TRDN: variants seen among roughly 807,000 people sequenced by gnomAD.
The protein encoded by TRDN is triadin in skeletal muscle.
In TRDN, 161 loss-of-function variants were observed where a neutral mutation model predicts 149.7. The observed-to-expected ratio is 1.08, with a 90% confidence interval of 0.95 to 1.23. The LOEUF is 1.23. Among genes scored for constraint, TRDN ranks in the 50% most tolerant of loss-of-function variants. TRDN has a pLI of 0.00. For synonymous variants in TRDN, 294 were observed against 250.5 expected (o/e 1.17, Z -1.64); for missense variants, 896 against 823.5 (o/e 1.09, Z -1.08).
intron 10 of TRDN, among the ~76,000 whole-genome samples, chr6:123,451,672 A>G (rs560303593): frequency 6.6e-6 from 1 of 152,250 alleles, no homozygotes; most frequent in East Asian, 1.9e-4. Context: ...AGACATTCCA[A>G]GAAGAATTGG....
intron 39 of TRDN, among the ~76,000 whole-genome samples, chr6:123,223,311 A>G (rs1342322667): frequency 6.6e-6 from 1 of 151,776 alleles, no homozygotes; most frequent in East Asian, 1.9e-4. Context: ...AAGGAGAAAG[A>G]GGATCAGAAA....
At chr6:123,558,960 G>T (rs890655003) in intron 2 of TRDN, among the ~76,000 whole-genome samples, 1 of 152,200 alleles carries the variant, frequency 6.6e-6, no homozygotes, top group African/African-American at 2.4e-5. Flanking sequence ...CCATAGCCCA[G>T]GATTCCTCCT....
intron 20 of TRDN, among the ~76,000 whole-genome samples, chr6:123,363,222 G>A (rs1385403824): frequency 2.0e-5 from 3 of 152,144 alleles, no homozygotes; most frequent in Non-Finnish European, 4.4e-5. Flanking sequence ...CTACTCACAT[G>A]TGAAAGGCTA....
In TRDN at chr6:123,412,746, G is replaced by A. The variant is rs924770209; in HGVS notation, c.1052-19069C>T. Among the ~76,000 whole-genome samples the A allele has an allele frequency of 4.0e-5, 6 of 150,934 alleles. No individual in the cohort carries two copies. In the East Asian group the frequency reaches 1.2e-3, roughly 29 times the overall value. On this transcript the variant is annotated intron_variant, in intron 12 of 40. Transcript: ENST00000334268. Reference sequence around the variant, plus strand: ...TAACTTCTATGAATAAATATTTTGTGGTAAAAAGTTTAAAAATTAACTAAA... The same window carrying A: ...TAACTTCTATGAATAAATATTTTGTAGTAAAAAGTTTAAAAATTAACTAAA...
intron 2 of TRDN, among the ~76,000 whole-genome samples, chr6:123,549,018 A>C (rs9482405): frequency 2.0e-5 from 3 of 151,752 alleles, no homozygotes; most frequent in Non-Finnish European, 2.9e-5. Context: ...CAGACAAATA[A>C]CAAGTTCTGC....
chr6:123,245,738 G>A (rs777479557), intron 38 of TRDN, among the ~76,000 whole-genome samples: 13 of 152,016 alleles, frequency 8.6e-5, no homozygotes, highest in East Asian at 3.9e-4. Flanking sequence ...TGACCCAAGC[G>A]GACCTAACAG....
rs576930849 is a variant in TRDN at position 123,489,820 on chromosome 6, T to C, written c.853+7373A>G. On this transcript the variant is annotated intron_variant, in intron 9 of 40. Transcript: ENST00000334268. ...GCCCCATCATCACTATGATTGTTTA[T>C]AGTGTTGACTGAAGTATTACATCAT... Among the ~76,000 whole-genome samples, 9 of 152,222 alleles carry C rather than the reference T, an allele frequency of 5.9e-5. No homozygotes were observed. In the East Asian group the frequency reaches 1.7e-3, roughly 29 times the overall value.
At chr6:123,552,677 T>C (rs1307110530) in intron 2 of TRDN, among the ~76,000 whole-genome samples, 2 of 152,154 alleles carry the variant, frequency 1.3e-5, no homozygotes, top group African/African-American at 2.4e-5. Flanking sequence ...ATTTTGAAAA[T>C]TTAAACTCTG....
At chr6:123,615,533 T>A (rs1223630369) in intron 1 of TRDN, among the ~76,000 whole-genome samples, 1 of 143,762 alleles carries the variant, frequency 7.0e-6, no homozygotes, top group East Asian at 2.0e-4. Context: ...GAAAAACATG[T>A]ATATACACAC....
chr6:123,578,832 T>C (rs1782983048), intron 1 of TRDN, among the ~76,000 whole-genome samples: 2 of 152,158 alleles, frequency 1.3e-5, no homozygotes, highest in South Asian at 4.1e-4. Flanking sequence ...CTTTGAGCAG[T>C]GTTCTGTAAT....
intron 1 of TRDN, among the ~76,000 whole-genome samples, chr6:123,612,507 G>A (rs1010219985): frequency 2.0e-5 from 3 of 151,710 alleles, no homozygotes; most frequent in African/African-American, 4.8e-5. Flanking sequence ...CCAGCTACTC[G>A]GGAGGCTGAG....
intron 40 of TRDN, among the ~76,000 whole-genome samples, chr6:123,219,093 CAT>C (rs1775049750): frequency 6.6e-6 from 1 of 151,852 alleles, no homozygotes; most frequent in African/African-American, 2.4e-5. Context: ...ATCATAGAGA[CAT>C]AGTCACAGGT....
At chr6:123,350,534 T>C in intron 21 of TRDN, 3 of 676,922 alleles carry the variant, frequency 4.4e-6, no homozygotes, top group Non-Finnish European at 5.5e-6. Flanking sequence ...AAGCAAAGTA[T>C]ACAAGTCTTA....
chr6:123,255,886 C>A lies in TRDN; in HGVS notation c.1887G>T (p.Lys629Asn). Residue 629 changes from lysine (K) to asparagine (N), a missense_variant, in exon 36 of 41, where the codon AAG becomes AAT. Lys to Asn is a moderately conservative substitution (Grantham distance 94). Coordinates refer to ENST00000334268, the MANE Select transcript of TRDN (RefSeq NM_006073.4). ...EKESKEKADM[K>N]HLREEKVSTR... Reference sequence around the variant, plus strand: ...AATTACCTTTTTCTTCTCTAAGATGCTTCATGTCTGCTTTTTCTGTATAGA... The same window carrying A: ...AATTACCTTTTTCTTCTCTAAGATGATTCATGTCTGCTTTTTCTGTATAGA... The A allele has an allele frequency of 1.5e-6, 2 of 1,339,582 alleles. No individual in the cohort carries two copies. The highest frequency in any genetic ancestry group is 1.8e-5 in the South Asian group (1 of 54,332). The allele number at this position is 1,339,582 out of a possible 1,614,324, so 83.0% of individuals were successfully genotyped here. A position where few individuals can be genotyped will look rare whatever the true frequency, so the allele number is the denominator to read the frequency against.
chr6:123,515,996 A>G (rs1331199827), intron 6 of TRDN, 145 bp downstream of exon 6: 3 of 916,816 alleles, frequency 3.3e-6, no homozygotes, highest in South Asian at 3.8e-5. Context: ...CAATCCAGAA[A>G]TTCCTTTTTT....
At chr6:123,276,766 G>T (rs890317032) in intron 26 of TRDN, among the ~76,000 whole-genome samples, 19 of 152,120 alleles carry the variant, frequency 1.2e-4, no homozygotes, top group Non-Finnish European at 1.5e-5. Context: ...TCAGGTTTTC[G>T]AGAATTTTAA....
At chr6:123,474,874 C>G (rs1277989963) in intron 9 of TRDN, among the ~76,000 whole-genome samples, 1 of 151,788 alleles carries the variant, frequency 6.6e-6, no homozygotes, top group Non-Finnish European at 1.5e-5. Context: ...TCTTTGAAAC[C>G]AACGAGAACA....
intron 38 of TRDN, among the ~76,000 whole-genome samples, chr6:123,225,338 T>C (rs1479412650): frequency 6.6e-6 from 1 of 151,704 alleles, no homozygotes; most frequent in Non-Finnish European, 1.5e-5. Flanking sequence ...CTCAAAAATT[T>C]GTTTGTTTAT....
chr6:123,313,198 AT>A (rs1778897825), intron 24 of TRDN, among the ~76,000 whole-genome samples: 1 of 151,936 alleles, frequency 6.6e-6, no homozygotes, highest in Non-Finnish European at 1.5e-5. Flanking sequence ...TTTTACCATA[AT>A]TTTTAGCTTC....
Sources: allele counts gnomAD v4.1 joint callset (sites outside exome capture counted in the v4.1 genomes callset), GRCh38; gene constraint gnomAD v4.1.1; transcripts MANE v1.5; gene names NCBI Gene and HGNC (gene_info 2026-07-23, HGNC 2026-07-21).